The following CMTM4 variants were observed in gnomAD, a reference collection of about 807,000 sequenced individuals.
CMTM4 encodes CKLF-like MARVEL transmembrane domain-containing protein 4.
CMTM4 carries 8 observed loss-of-function variants against 19.0 expected under a neutral mutation model. That is an observed-to-expected ratio of 0.42 (90% CI 0.25 to 0.76). The LOEUF is 0.76. Ranked by LOEUF, CMTM4 falls within the 30% of genes least tolerant of loss-of-function variation. CMTM4 has a pLI of 0.27. For synonymous variants in CMTM4, 106 were observed against 121.1 expected (o/e 0.88, Z 0.82); for missense variants, 228 against 290.2 (o/e 0.79, Z 1.56).
At position 66,621,338 on chromosome 16, in the gene CMTM4, T is replaced by G; in HGVS notation, c.*720A>C. 6.1e-6 allele frequency: 6 copies of G among 985,648 alleles called. No homozygotes were observed. The highest frequency in any genetic ancestry group is 7.2e-6 in the Non-Finnish European group (6 of 829,914). 61.1% of individuals were successfully genotyped at this position (985,648 alleles called of 1,614,324 possible). On this transcript the variant is annotated 3_prime_UTR_variant, in exon 4 of 4. Coordinates refer to ENST00000394106, the MANE Select transcript of CMTM4 (RefSeq NM_181521.3). ...CAATTCAGCCTCAAAGTATTTAGGG[T>G]AGGCAGGAAACTGGAAAACAAGATA... is the stretch of plus-strand genomic sequence containing the variant.
chr16:66,659,272 G>A (rs893802462), intron 1 of CMTM4, among the ~76,000 whole-genome samples: 11 of 152,030 alleles, frequency 7.2e-5, no homozygotes, highest in Non-Finnish European at 7.4e-5. Flanking sequence ...CTACTTGGGA[G>A]GCTGAGGCAC....
At chr16:66,670,439 CAA>C (rs35296025) in intron 1 of CMTM4, among the ~76,000 whole-genome samples, 374 of 91,346 alleles carry the variant, frequency 4.1e-3, no homozygotes, top group Admixed American at 6.9e-3. Context: ...GACTCTGTCT[CAA>C]AAAAAAAAAA....
In CMTM4 at chr16:66,696,215, G is replaced by A; in HGVS notation, c.186+125C>T. The stretch of plus-strand genomic sequence containing the variant: ...TGGTCCCGGGACCCCACGAGGGAGA[G>A]GGGGCGCGAGGAGCGGGCTCCGGCC... On this transcript the variant is annotated intron_variant, in intron 1 of 3. Coordinates refer to ENST00000394106, the MANE Select transcript of CMTM4 (RefSeq NM_181521.3). The surrounding 1 kb of genome is among the most constrained non-coding windows in gnomAD (Gnocchi z 4.3). 2 of 625,060 alleles carry A rather than the reference G, an allele frequency of 3.2e-6. No homozygotes were observed. The highest frequency in any genetic ancestry group is 4.5e-6 in the Non-Finnish European group (2 of 440,588). 38.7% of individuals were successfully genotyped at this position (625,060 alleles called of 1,614,324 possible).
intron 1 of CMTM4, among the ~76,000 whole-genome samples, chr16:66,683,021 CTTAAAG>C (rs557993138): frequency 3.2e-4 from 48 of 150,996 alleles, no homozygotes; most frequent in African/African-American, 1.2e-3. Flanking sequence ...AGATAGTCTA[CTTAAAG>C]TTAAAAAAAG....
chr16:66,684,792 C>T (rs1333665314), intron 1 of CMTM4, among the ~76,000 whole-genome samples: 4 of 152,226 alleles, frequency 2.6e-5, no homozygotes, highest in Non-Finnish European at 4.4e-5. Context: ...CAGCCTGCTG[C>T]AGCCCTGCTC....
chr16:66,637,747 C>T (rs1467615171), intron 1 of CMTM4, among the ~76,000 whole-genome samples: 1 of 152,142 alleles, frequency 6.6e-6, no homozygotes, highest in African/African-American at 2.4e-5. Flanking sequence ...CACCTAAAGC[C>T]AGATCAGTCT....
Position 66,622,324 on chromosome 16 carries a change from C to G in CMTM4, c.463-102G>C. On this transcript the variant is annotated intron_variant, in intron 3 of 3. Coordinates refer to ENST00000394106, the MANE Select transcript of CMTM4 (RefSeq NM_181521.3). The surrounding 1 kb of genome is among the most constrained non-coding windows in gnomAD (Gnocchi z 4.0). ...ATGCAGCCCCTTCCTGCTCTGCCAG[C>G]TGATCATTACAACCCTGTGCCTTCA... 1 of 1,274,918 alleles carries G rather than the reference C, an allele frequency of 7.8e-7. No individual in the cohort carries two copies. Among genetic ancestry groups the G allele is most frequent in the Non-Finnish European group, 1.1e-6 (1 of 914,242 alleles). The allele number at this position is 1,274,918 out of a possible 1,614,324, so 79.0% of individuals were successfully genotyped here. A position where few individuals can be genotyped will look rare whatever the true frequency, so the allele number is the denominator to read the frequency against.
Position 66,620,886 on chromosome 16 carries a change from A to G in CMTM4, c.*1172T>C, listed in dbSNP as rs1412477943. On this transcript the variant is annotated 3_prime_UTR_variant, in exon 4 of 4. Coordinates refer to ENST00000394106, the MANE Select transcript of CMTM4 (RefSeq NM_181521.3). ...CTCACTGAACTCATTCACCACACACAATAATCTTCACTTTATCAAGAATCA... is the reference window on the plus strand; with the variant it reads ...CTCACTGAACTCATTCACCACACACGATAATCTTCACTTTATCAAGAATCA... 1.0e-6 allele frequency: 1 copy of G among 985,644 alleles called. No individual in the cohort carries two copies. Among genetic ancestry groups the G allele is most frequent in the Non-Finnish European group, 1.2e-6 (1 of 829,938 alleles). 61.1% of individuals were successfully genotyped at this position (985,644 alleles called of 1,614,324 possible).
At chr16:66,672,774 T>C (rs2016733828) in intron 1 of CMTM4, among the ~76,000 whole-genome samples, 1 of 142,302 alleles carries the variant, frequency 7.0e-6, no homozygotes, top group Non-Finnish European at 1.5e-5. Flanking sequence ...CACACCCAGC[T>C]AGTTTTTTGT....
intron 2 of CMTM4, among the ~76,000 whole-genome samples, chr16:66,629,640 G>T (rs1402013894): frequency 6.6e-6 from 1 of 152,198 alleles, no homozygotes; most frequent in Middle Eastern, 3.2e-3. Flanking sequence ...TTTGTGGGAA[G>T]AGGGTGGTAG....
At chr16:66,669,467 TAAAA>T (rs35876830) in intron 1 of CMTM4, among the ~76,000 whole-genome samples, 3 of 128,824 alleles carry the variant, frequency 2.3e-5, no homozygotes, top group African/African-American at 8.5e-5. Flanking sequence ...ACATGTTAAT[TAAAA>T]AAAAAAAAAA....
At chr16:66,632,891 T>C (rs1299827548) in intron 2 of CMTM4, among the ~76,000 whole-genome samples, 1 of 151,650 alleles carries the variant, frequency 6.6e-6, no homozygotes, top group African/African-American at 2.4e-5. Flanking sequence ...AAGACCAGTC[T>C]GACCAACATG....
chr16:66,599,807 G>A, the CMTM4 span, among the ~76,000 whole-genome samples: 258 of 152,094 alleles, frequency 1.7e-3, 2 homozygotes, highest in Non-Finnish European at 4.0e-4. Context: ...TTTAAGATTA[G>A]GAAACGAAAA....
chr16:66,641,492 C>T (rs963509648), intron 1 of CMTM4, among the ~76,000 whole-genome samples: 3 of 152,184 alleles, frequency 2.0e-5, no homozygotes, highest in Non-Finnish European at 4.4e-5. Context: ...CTTATAGGCA[C>T]TTCTTGTTTT....
At chr16:66,600,534 A>T in the CMTM4 span, among the ~76,000 whole-genome samples, 1 of 152,016 alleles carries the variant, frequency 6.6e-6, no homozygotes, top group Non-Finnish European at 1.5e-5. Flanking sequence ...TTGTCCGTAA[A>T]ATCCAAACTC....
intron 1 of CMTM4, among the ~76,000 whole-genome samples, chr16:66,651,165 A>G (rs1050382059): frequency 6.6e-6 from 1 of 152,192 alleles, no homozygotes; most frequent in Non-Finnish European, 1.5e-5. Flanking sequence ...TTCCGAAGCC[A>G]GCTCCTCTCT....
intron 1 of CMTM4, among the ~76,000 whole-genome samples, chr16:66,640,669 G>A (rs1407352217): frequency 1.3e-5 from 2 of 152,182 alleles, no homozygotes; most frequent in Non-Finnish European, 2.9e-5. Flanking sequence ...CAAGACCCTT[G>A]CAACAATGAA....
chr16:66,614,748 C>T (rs918141973), downstream of CMTM4: 2 of 152,216 alleles, frequency 1.3e-5, no homozygotes, highest in African/African-American at 4.8e-5. This position sits in a 1 kb window ranked among gnomAD's most constrained non-coding sequence, Gnocchi z 4.9. Context: ...GAGACAACGA[C>T]ATCCTTACAC....
chr16:66,614,301 A>G (rs2015485191), downstream of CMTM4, among the ~76,000 whole-genome samples: 3 of 152,218 alleles, frequency 2.0e-5, no homozygotes, highest in African/African-American at 4.8e-5. The surrounding 1 kb of genome is among the most constrained non-coding windows in gnomAD (Gnocchi z 4.9). Flanking sequence ...AAACTGAGAC[A>G]GAGGTCGGGT....
Sources: gnomAD v4.1 joint callset for allele counts (sites outside exome capture counted in the v4.1 genomes callset) on GRCh38, gnomAD v4.1.1 for gene constraint, Gnocchi (gnomAD v3.1) non-coding constraint, MANE v1.5 for transcripts, NCBI Gene and HGNC (gene_info 2026-07-23, HGNC 2026-07-21) for gene names.